SGCZ: variants seen among roughly 807,000 people sequenced by gnomAD.
SGCZ encodes sarcoglycan zeta.
SGCZ carries 40 observed loss-of-function variants against 41.3 expected under a neutral mutation model. That is an observed-to-expected ratio of 0.97 (90% CI 0.75 to 1.26). The LOEUF (loss-of-function observed/expected upper bound fraction) is 1.26. Ranked by LOEUF, SGCZ falls within the 50% of genes most tolerant of loss-of-function variation. SGCZ has a pLI of 0.00. For synonymous variants in SGCZ, 206 were observed against 137.5 expected (o/e 1.50, Z -3.49); for missense variants, 552 against 369.8 (o/e 1.49, Z -4.04).
chr8:15,170,635 TG>T (rs1231255088), intron 1 of SGCZ, among the ~76,000 whole-genome samples: 1 of 152,228 alleles, frequency 6.6e-6, no homozygotes, highest in African/African-American at 2.4e-5. Flanking sequence ...GGTTTTGTTT[TG>T]TTTTTTTAAA....
chr8:14,261,607 G>A (rs1460503159), intron 3 of SGCZ, among the ~76,000 whole-genome samples: 1 of 152,128 alleles, frequency 6.6e-6, no homozygotes, highest in Non-Finnish European at 1.5e-5. Context: ...TTTGAGCTAA[G>A]TGGATGTTTA....
intron 3 of SGCZ, among the ~76,000 whole-genome samples, chr8:14,320,705 G>A (rs1438997525): frequency 6.6e-6 from 1 of 152,054 alleles, no homozygotes; most frequent in Non-Finnish European, 1.5e-5. Flanking sequence ...GTGCTTAACT[G>A]TGGAGTTACT....
rs1344153215 is a variant in SGCZ, at chr8:15,013,361, G to T, written c.39+224224C>A. ...AGTTGTTATGGATGGAAAGGACTTC[G>T]TTGAGCATGTATTTTATTCCCATGA... is the stretch of plus-strand genomic sequence containing the variant. On this transcript the variant is annotated intron_variant, in intron 1 of 7. Transcript: ENST00000382080. Among the ~76,000 whole-genome samples the T allele has an allele frequency of 2.0e-5, 3 of 152,152 alleles. No individual in the cohort carries two copies. In the East Asian group the frequency reaches 5.8e-4, roughly 29 times the overall value.
intron 1 of SGCZ, among the ~76,000 whole-genome samples, chr8:15,041,510 T>C (rs959482595): frequency 6.6e-6 from 1 of 152,130 alleles, no homozygotes; most frequent in Admixed American, 6.5e-5. Context: ...TTTAGTTAAA[T>C]ATGCAATTTC....
chr8:14,580,354 T>G (rs777778066), intron 1 of SGCZ, among the ~76,000 whole-genome samples: 1 of 152,320 alleles, frequency 6.6e-6, no homozygotes, highest in East Asian at 1.9e-4. Flanking sequence ...CAAGAAACCA[T>G]TTTTGAAGTT....
intron 2 of SGCZ, among the ~76,000 whole-genome samples, chr8:14,528,947 T>A (rs1022211659): frequency 6.6e-5 from 10 of 151,936 alleles, no homozygotes; most frequent in Non-Finnish European, 1.3e-4. Flanking sequence ...AATATCCTAA[T>A]TTTACAGATG....
At chr8:14,144,181 C>A (rs1463144715) in intron 5 of SGCZ, among the ~76,000 whole-genome samples, 1 of 152,162 alleles carries the variant, frequency 6.6e-6, no homozygotes, top group Non-Finnish European at 1.5e-5. Context: ...CTGGCATCAT[C>A]CGTCCCATAA....
intron 1 of SGCZ, among the ~76,000 whole-genome samples, chr8:15,015,417 TG>T (rs1360497934): frequency 6.6e-6 from 1 of 151,760 alleles, no homozygotes; most frequent in Non-Finnish European, 1.5e-5. Context: ...AACATACACG[TG>T]GCTGGGCACG....
At chr8:15,126,680 C>A (rs960842972) in intron 1 of SGCZ, among the ~76,000 whole-genome samples, 1 of 152,142 alleles carries the variant, frequency 6.6e-6, no homozygotes, top group East Asian at 1.9e-4. Flanking sequence ...TTCACCAGGA[C>A]AATGAGTTGA....
intron 2 of SGCZ, among the ~76,000 whole-genome samples, chr8:14,369,020 A>G (rs1470191438): frequency 9.9e-6 from 1 of 100,812 alleles, no homozygotes; most frequent in African/African-American, 4.1e-5. Flanking sequence ...GGCAAATGTA[A>G]ATGTGTGTGT....
intron 1 of SGCZ, among the ~76,000 whole-genome samples, chr8:14,729,851 G>A (rs980290211): frequency 1.6e-4 from 25 of 152,270 alleles, no homozygotes; most frequent in Non-Finnish European, 2.5e-4. Flanking sequence ...TTAGGAGGAC[G>A]AGGCAGGCAG....
At chr8:14,719,107 G>A (rs1809797061) in intron 1 of SGCZ, among the ~76,000 whole-genome samples, 1 of 147,786 alleles carries the variant, frequency 6.8e-6, no homozygotes, top group South Asian at 2.1e-4. Flanking sequence ...TGCGGTGTTT[G>A]GTTTTTTGTT....
intron 1 of SGCZ, among the ~76,000 whole-genome samples, chr8:15,071,043 C>G (rs1002049057): frequency 1.3e-5 from 2 of 152,104 alleles, no homozygotes; most frequent in African/African-American, 4.8e-5. Context: ...AAGAAGAAAT[C>G]TGACTTCTCA....
chr8:14,796,747 A>T (rs1585267886), intron 1 of SGCZ, among the ~76,000 whole-genome samples: 3 of 152,016 alleles, frequency 2.0e-5, no homozygotes, highest in African/African-American at 7.2e-5. Flanking sequence ...TCCAAATCTC[A>T]TCTCAAATTG....
At chr8:14,321,188 A>G (rs1801905513) in intron 3 of SGCZ, among the ~76,000 whole-genome samples, 1 of 152,062 alleles carries the variant, frequency 6.6e-6, no homozygotes, top group Non-Finnish European at 1.5e-5. Context: ...CAAATGTTCT[A>G]TGAGTAATCT....
chr8:14,641,379 T>C (rs923612497), intron 1 of SGCZ, among the ~76,000 whole-genome samples: 1 of 151,762 alleles, frequency 6.6e-6, no homozygotes, highest in African/African-American at 2.4e-5. Context: ...AGTATTTTAA[T>C]AAATGTTTGT....
At chr8:14,142,964 A>G (rs956483710) in intron 5 of SGCZ, among the ~76,000 whole-genome samples, 14 of 151,546 alleles carry the variant, frequency 9.2e-5, no homozygotes, top group African/African-American at 3.4e-4. Context: ...TAGCCTGTGG[A>G]ACCGTGAGCC....
At chr8:14,272,785 G>C (rs1480236736) in intron 3 of SGCZ, among the ~76,000 whole-genome samples, 1 of 152,094 alleles carries the variant, frequency 6.6e-6, no homozygotes, top group Non-Finnish European at 1.5e-5. Flanking sequence ...CCTCAGTTTT[G>C]ACTGTGTCAG....
chr8:14,141,396 G>C (rs1768992502), intron 5 of SGCZ, among the ~76,000 whole-genome samples: 1 of 152,192 alleles, frequency 6.6e-6, no homozygotes, highest in Non-Finnish European at 1.5e-5. Context: ...CAGAATGGAA[G>C]AAAATTTCTG....
Sources: allele counts gnomAD v4.1 joint callset (sites outside exome capture counted in the v4.1 genomes callset), GRCh38; gene constraint gnomAD v4.1.1; transcripts MANE v1.5; gene names NCBI Gene and HGNC (gene_info 2026-07-23, HGNC 2026-07-21).